The following CPAMD8 variants were observed in gnomAD, a reference collection of about 807,000 sequenced individuals.
CPAMD8 encodes the protein C3 and PZP like alpha-2-macroglobulin domain containing 8, also known as C3 and PZP-like alpha-2-macroglobulin domain-containing protein 8.
In CPAMD8, 146 loss-of-function variants were observed where a neutral mutation model predicts 224.7. That is an observed-to-expected ratio of 0.65 (90% CI 0.57 to 0.75). The LOEUF is 0.75. CPAMD8 is among the 30% of genes least tolerant of loss of function. The pLI, the probability that CPAMD8 is intolerant of heterozygous loss-of-function variation, is 0.00. For synonymous variants in CPAMD8, 966 were observed against 1,044.6 expected (o/e 0.92, Z 1.45); for missense variants, 2,301 against 2,537.5 (o/e 0.91, Z 2.00).
At chr19:16,928,392 T>C (rs1260244088) in intron 24 of CPAMD8, among the ~76,000 whole-genome samples, 158 bp from the exon 25 acceptor site, 1 of 152,134 alleles carries the variant, frequency 6.6e-6, no homozygotes, top group Non-Finnish European at 1.5e-5. Flanking sequence ...AGAAATCAGG[T>C]TACCCCATCC....
chr19:17,011,868 T>G, intron 3 of CPAMD8, 111 bp from the exon 4 acceptor site: 1 of 1,268,540 alleles, frequency 7.9e-7, no homozygotes. Flanking sequence ...CAGGAGTGAC[T>G]GTGCCCCAGG....
At chr19:16,970,641 T>G (rs2055028414) in intron 18 of CPAMD8, among the ~76,000 whole-genome samples, 1 of 151,048 alleles carries the variant, frequency 6.6e-6, no homozygotes, top group Non-Finnish European at 1.5e-5. Context: ...CCTTCTGCCA[T>G]ATGAGGATAC....
intron 18 of CPAMD8, among the ~76,000 whole-genome samples, chr19:16,962,150 C>T (rs1348292123): frequency 6.6e-6 from 1 of 152,198 alleles, no homozygotes; most frequent in African/African-American, 2.4e-5. Context: ...AGGATAGTAG[C>T]TCCTTGCCAG....
At chr19:16,981,712 T>C (rs1326263963) in intron 13 of CPAMD8, among the ~76,000 whole-genome samples, 2 of 152,218 alleles carry the variant, frequency 1.3e-5, no homozygotes, top group African/African-American at 4.8e-5. Flanking sequence ...CTCTGTTCCA[T>C]GTTTTGCAAT....
intron 8 of CPAMD8, 74 bp from the exon 9 acceptor site, chr19:17,002,424 A>C: frequency 3.1e-6 from 3 of 973,974 alleles, no homozygotes; most frequent in Non-Finnish European, 4.8e-6. Flanking sequence ...ACACCGGTGC[A>C]AGGTGTCTGA....
intron 25 of CPAMD8, 129 bp downstream of exon 25, chr19:16,927,880 G>A (rs2053418623): frequency 1.5e-6 from 1 of 689,392 alleles, no homozygotes; most frequent in East Asian, 2.6e-5. Flanking sequence ...CTTGTCAGGT[G>A]AGTGGGTGTA....
chr19:17,026,242 A>C (rs1379215003), intron 1 of CPAMD8, among the ~76,000 whole-genome samples: 2 of 152,228 alleles, frequency 1.3e-5, no homozygotes, highest in South Asian at 2.1e-4. Flanking sequence ...CGCTCCTCTT[A>C]CCTTCATACC....
chr19:16,932,328 G>C (rs1312293482), intron 23 of CPAMD8, among the ~76,000 whole-genome samples: 1 of 152,078 alleles, frequency 6.6e-6, no homozygotes, highest in Non-Finnish European at 1.5e-5. Context: ...GTCTGAGGTG[G>C]GAGGATCACC....
At chr19:16,907,232 C>G (rs2052555869) in intron 29 of CPAMD8, 115 bp from the exon 30 acceptor site, 3 of 1,267,402 alleles carry the variant, frequency 2.4e-6, no homozygotes, top group Non-Finnish European at 3.0e-6. Context: ...TAGCCCCTTG[C>G]TTTGCATCCT....
rs562909996 is a variant in CPAMD8, at chr19:16,985,610, T to C, written c.1395+4033A>G. ...GAGGGAGAGTAAATGGATGGATGGATGATGGATGGATGAAGGGAGGCGCAG... is the reference window on the plus strand; with the variant it reads ...GAGGGAGAGTAAATGGATGGATGGACGATGGATGGATGAAGGGAGGCGCAG... On this transcript the variant is annotated intron_variant, in intron 13 of 41. Transcript: ENST00000443236. Among the ~76,000 whole-genome samples, 28 of 129,948 alleles carry C rather than the reference T, an allele frequency of 2.2e-4. No homozygotes were observed. In the South Asian group the frequency reaches 7.0e-3, roughly 33 times the overall value. The allele number at this position is 129,948 out of a possible 152,430, so 85.3% of individuals were successfully genotyped here.
At chr19:16,941,815 A>T (rs1193643229) in intron 22 of CPAMD8, among the ~76,000 whole-genome samples, 1 of 152,124 alleles carries the variant, frequency 6.6e-6, no homozygotes, top group Non-Finnish European at 1.5e-5. Flanking sequence ...TCTACTAAAA[A>T]TATAAAAATT....
At chr19:16,986,701 G>A (rs771146456) in intron 13 of CPAMD8, among the ~76,000 whole-genome samples, 1 of 152,076 alleles carries the variant, frequency 6.6e-6, no homozygotes, top group Non-Finnish European at 1.5e-5. Flanking sequence ...CCTGGGCGCT[G>A]TGATGGCAAC....
At chr19:16,911,864 A>G (rs750407425) in intron 29 of CPAMD8, among the ~76,000 whole-genome samples, 1 of 152,158 alleles carries the variant, frequency 6.6e-6, no homozygotes, top group Non-Finnish European at 1.5e-5. Flanking sequence ...TTTTTAGTAG[A>G]GACAGGGTTT....
chr19:16,938,519 C>A (rs772818088), intron 22 of CPAMD8, 73 bp from the exon 23 acceptor site: 3 of 797,176 alleles, frequency 3.8e-6, no homozygotes, highest in Middle Eastern at 2.2e-4. Context: ...GAGCAGCTGG[C>A]TCTCCCACAG....
intron 29 of CPAMD8, chr19:16,910,865 T>C (rs1410548326): frequency 3.3e-5 from 5 of 152,356 alleles, no homozygotes; most frequent in South Asian, 2.1e-4. Flanking sequence ...GCTAGAGTGA[T>C]GCAGCCACAA....
At chr19:16,939,056 C>A (rs1039011432) in intron 22 of CPAMD8, among the ~76,000 whole-genome samples, 3 of 152,216 alleles carry the variant, frequency 2.0e-5, no homozygotes, top group Non-Finnish European at 4.4e-5. Flanking sequence ...AACACGGCCC[C>A]TGTGGGGGCC....
intron 29 of CPAMD8, chr19:16,907,758 C>T (rs969529808): frequency 6.6e-6 from 1 of 152,290 alleles, no homozygotes; most frequent in South Asian, 2.1e-4. Context: ...CAGGTGCACA[C>T]CAGCACGCCC....
At chr19:16,922,690 C>T (rs11086043) in intron 26 of CPAMD8, among the ~76,000 whole-genome samples, 1 of 151,820 alleles carries the variant, frequency 6.6e-6, no homozygotes, top group Admixed American at 6.6e-5. Flanking sequence ...AACTGCCCCA[C>T]ACCACATCTG....
intron 16 of CPAMD8, 47 bp downstream of exon 16, chr19:16,975,955 T>C: frequency 6.9e-7 from 1 of 1,457,882 alleles, no homozygotes; most frequent in South Asian, 1.5e-5. Flanking sequence ...CAAGAGAAGG[T>C]AAAGCCCCGT....
Sources: allele counts gnomAD v4.1 joint callset (sites outside exome capture counted in the v4.1 genomes callset), GRCh38; gene constraint gnomAD v4.1.1; transcripts MANE v1.5; gene names NCBI Gene and HGNC (gene_info 2026-07-23, HGNC 2026-07-21).